The following FGF1 variants were observed in gnomAD, a reference collection of about 807,000 sequenced individuals.
FGF1 encodes the protein fibroblast growth factor 1, also known as beta-endothelial cell growth factor.
A neutral mutation model predicts 13.4 loss-of-function variants in FGF1; 9 were observed. The observed-to-expected ratio is 0.67, with a 90% CI of 0.40 to 1.17. The LOEUF (loss-of-function observed/expected upper bound fraction) is 1.17. FGF1 is among the 50% of genes most tolerant of loss of function. The probability of loss-of-function intolerance (pLI) is 0.01; values close to 1 mark genes in which losing one functional copy is unlikely to be tolerated. For missense variants in FGF1, 156 were observed against 192.7 expected (o/e 0.81, Z 1.13); for synonymous variants, 93 against 79.0 (o/e 1.18, Z -0.94).
chr5:142,633,639 C>T (rs1054686829), intron 1 of FGF1, among the ~76,000 whole-genome samples: 14 of 152,226 alleles, frequency 9.2e-5, no homozygotes, highest in African/African-American at 3.4e-4. Flanking sequence ...TTGCCGGAGT[C>T]CAGTGTGCCC....
At chr5:142,605,001 T>C (rs577198923) in intron 2 of FGF1, among the ~76,000 whole-genome samples, 32 of 152,220 alleles carry the variant, frequency 2.1e-4, no homozygotes, top group Non-Finnish European at 4.3e-4. Flanking sequence ...CTTTTCAACC[T>C]ATCGCCCATA....
Position 142,600,709 on chromosome 5 carries a change from T to C in FGF1, c.266A>G (p.Tyr89Cys), listed in dbSNP as rs774373472. 6.2e-7 allele frequency: 1 copy of C among 1,610,408 alleles called. No homozygotes were observed. Among genetic ancestry groups the C allele is most frequent in the African/African-American group, 1.3e-5 (1 of 74,832 alleles). ...TGTCAGCTTCATACTTACTGAGCCG[T>C]ATAAAAGCCCGTCGGTGTCCATGGC... ...YLAMDTDGLL[Y>C]GSQTPNEECL... Residue 89 changes from tyrosine to cysteine, a missense_variant, in exon 3 of 4, where the codon TAC (tyrosine) becomes TGC (cysteine). Tyr to Cys is a radical substitution (Grantham distance 194, BLOSUM62 -2). Transcript: ENST00000337706.
At chr5:142,599,454 T>C (rs1280426440) in intron 3 of FGF1, among the ~76,000 whole-genome samples, 1 of 152,186 alleles carries the variant, frequency 6.6e-6, no homozygotes, top group Non-Finnish European at 1.5e-5. Flanking sequence ...GGCAATTCGA[T>C]GTAAGTTGAA....
intron 2 of FGF1, among the ~76,000 whole-genome samples, chr5:142,611,531 G>GA (rs1473892530): frequency 2.0e-5 from 3 of 152,198 alleles, no homozygotes; most frequent in African/African-American, 4.8e-5. Flanking sequence ...CAAACAGAAA[G>GA]AATGCATAAT....
chr5:142,640,455 A>T (rs1005417647), intron 1 of FGF1, among the ~76,000 whole-genome samples: 4 of 143,024 alleles, frequency 2.8e-5, no homozygotes, highest in Non-Finnish European at 6.1e-5. Flanking sequence ...GAGAAGCGGC[A>T]TTGGAGCTGA....
At chr5:142,675,949 A>C (rs1772510637) in intron 1 of FGF1, among the ~76,000 whole-genome samples, 2 of 152,190 alleles carry the variant, frequency 1.3e-5, no homozygotes, top group African/African-American at 4.8e-5. Context: ...GATCTATTGA[A>C]GTCAACTCTT....
At chr5:142,647,368 C>T (rs1156292195) in intron 1 of FGF1, among the ~76,000 whole-genome samples, 2 of 152,174 alleles carry the variant, frequency 1.3e-5, no homozygotes, top group African/African-American at 4.8e-5. Context: ...TTTGTCTTGT[C>T]ACTTCTCTAA....
chr5:142,680,568 T>C (rs1239460324), intron 1 of FGF1: 3 of 151,740 alleles, frequency 2.0e-5, no homozygotes, highest in African/African-American at 7.3e-5. Flanking sequence ...GTGGGTAAAA[T>C]AGTAATACCT....
In FGF1 at chr5:142,639,630, A is replaced by G. The variant is rs181574892; in HGVS notation, c.-34-25469T>C. Among the ~76,000 whole-genome samples the G allele has an allele frequency of 3.9e-3, 598 of 152,082 alleles. 4 individuals are homozygous for G. Among genetic ancestry groups the G allele is most frequent in the Non-Finnish European group, 3.5e-3 (239 of 68,014 alleles). ...AAGGTTTCAGTTAGACGAAATGAAT[A>G]GGTTCTAGAGATCTATCGTACAGCA... On this transcript the variant is annotated intron_variant, in intron 1 of 3. Coordinates refer to ENST00000337706, the MANE Select transcript of FGF1 (RefSeq NM_000800.5).
chr5:142,626,697 A>G (rs1333835470), intron 1 of FGF1: 2 of 152,212 alleles, frequency 1.3e-5, no homozygotes, highest in Non-Finnish European at 2.9e-5. Context: ...GCGTCCCACC[A>G]TCAGCACTTT....
Position 142,633,307 on chromosome 5 carries a change from A to G in FGF1, c.-34-19146T>C, listed in dbSNP as rs555183905. Among the ~76,000 whole-genome samples, 12 of 152,322 alleles carry G rather than the reference A, an allele frequency of 7.9e-5. No individual in the cohort carries two copies. The South Asian group carries it at 1.7e-3, about 21-fold the overall frequency. ...AAATGGAATTACTGGGGGAAAGCAC[A>G]TGCATTTTATTAAGGCTTTTACTCA... is the stretch of plus-strand genomic sequence containing the variant. On this transcript the variant is annotated intron_variant, in intron 1 of 3. Coordinates refer to ENST00000337706, the MANE Select transcript of FGF1 (RefSeq NM_000800.5).
At chr5:142,688,896 G>A (rs1482490263), upstream of FGF1, among the ~76,000 whole-genome samples, 1 of 152,154 alleles carries the variant, frequency 6.6e-6, no homozygotes, top group African/African-American at 2.4e-5. Context: ...GCTTTAGAAG[G>A]GCAACAAAGG....
chr5:142,690,181 C>T (rs1481438219), upstream of FGF1, among the ~76,000 whole-genome samples: 5 of 151,230 alleles, frequency 3.3e-5, no homozygotes, highest in African/African-American at 9.7e-5. Flanking sequence ...ATTAGCCGGG[C>T]GTGGTGGCGG....
At chr5:142,686,632 A>G (rs1399480826), upstream of FGF1, 2 of 152,342 alleles carry the variant, frequency 1.3e-5, no homozygotes, top group African/African-American at 4.8e-5. Context: ...GTCATCTGGC[A>G]TCCCTGCATG....
In FGF1 at chr5:142,618,924, G is replaced by GTTTTTTT. The variant is rs1187824250; in HGVS notation, c.-34-4764_-34-4763insAAAAAAA. On this transcript the variant is annotated intron_variant, in intron 1 of 3. Coordinates refer to ENST00000337706, the MANE Select transcript of FGF1 (RefSeq NM_000800.5). The stretch of plus-strand genomic sequence containing the variant: ...AAACACTGACATTTATTTTTTAGTT[G>GTTTTTTT]TTTTGTTTTTTTTTTTTTTTTTTTT... Among the ~76,000 whole-genome samples, 77 of 78,314 alleles carry GTTTTTTT rather than the reference G, an allele frequency of 9.8e-4. 6 individuals are homozygous for GTTTTTTT. Among genetic ancestry groups the GTTTTTTT allele is most frequent in the African/African-American group, 2.9e-3 (61 of 21,294 alleles). The allele number at this position is 78,314 out of a possible 152,430, so 51.4% of individuals were successfully genotyped here. A position where few individuals can be genotyped will look rare whatever the true frequency, so the allele number is the denominator to read the frequency against.
chr5:142,688,248 C>T (rs1256234231), upstream of FGF1, among the ~76,000 whole-genome samples: 1 of 152,086 alleles, frequency 6.6e-6, no homozygotes, highest in Non-Finnish European at 1.5e-5. Flanking sequence ...AATATAATTC[C>T]CGCCAATGTG....
At chr5:142,692,685 G>GCACACACACA (rs34754711) in intron 2 of FGF1, among the ~76,000 whole-genome samples, 21 of 145,240 alleles carry the variant, frequency 1.4e-4, no homozygotes, top group Middle Eastern at 3.6e-3. Flanking sequence ...ACGCACACAC[G>GCACACACACA]CACACACACA....
intron 1 of FGF1, among the ~76,000 whole-genome samples, chr5:142,674,798 T>A (rs1196196451): frequency 6.6e-6 from 1 of 152,170 alleles, no homozygotes; most frequent in African/African-American, 2.4e-5. Flanking sequence ...TAGAGGTTTC[T>A]AAAGAGATAT....
At chr5:142,635,146 G>A (rs1215902735) in intron 1 of FGF1, among the ~76,000 whole-genome samples, 1 of 152,154 alleles carries the variant, frequency 6.6e-6, no homozygotes, top group Non-Finnish European at 1.5e-5. Context: ...TCCCCCTGTG[G>A]CTCTGCACTA....
Sources: allele counts gnomAD v4.1 joint callset (sites outside exome capture counted in the v4.1 genomes callset), GRCh38; gene constraint gnomAD v4.1.1; transcripts MANE v1.5; gene names NCBI Gene and HGNC (gene_info 2026-07-23, HGNC 2026-07-21).